Variants in KIF26B observed in about 807,000 individuals in gnomAD.
The protein encoded by KIF26B is kinesin-like protein KIF26B.
A neutral mutation model predicts 151.2 loss-of-function variants in KIF26B; 63 were observed. The ratio of observed to expected loss-of-function variants is 0.42; its 90% CI spans 0.34 to 0.51. The LOEUF is 0.51. Among genes scored for constraint, KIF26B ranks in the 20% least tolerant of loss-of-function variants. KIF26B has a pLI of 0.07. For synonymous variants in KIF26B, 1,357 were observed against 1,262.1 expected (o/e 1.08, Z -1.59); for missense variants, 2,813 against 2,913.6 (o/e 0.97, Z 0.79).
intron 2 of KIF26B, among the ~76,000 whole-genome samples, chr1:245,169,362 T>TGTGCGCGC (rs879260509): frequency 1.3e-5 from 2 of 151,092 alleles, no homozygotes; most frequent in East Asian, 1.9e-4. Flanking sequence ...TGTGTGTGTG[T>TGTGCGCGC]GCGCGCAAGC....
intron 2 of KIF26B, among the ~76,000 whole-genome samples, chr1:245,329,186 A>T (rs111755172): frequency 6.6e-6 from 1 of 152,092 alleles, no homozygotes; most frequent in Admixed American, 6.6e-5. Flanking sequence ...GTCCCTAGAG[A>T]CTATTTCCAA....
chr1:245,466,180 T>C (rs1024439017), intron 4 of KIF26B, among the ~76,000 whole-genome samples: 1 of 69,360 alleles, frequency 1.4e-5, no homozygotes, highest in South Asian at 4.1e-4. Flanking sequence ...TTTAGATCGA[T>C]GGGAATGTTT....
intron 10 of KIF26B, among the ~76,000 whole-genome samples, chr1:245,662,342 C>T (rs1469431975): frequency 6.9e-6 from 1 of 144,456 alleles, no homozygotes; most frequent in Non-Finnish European, 1.5e-5. Context: ...TATACACACA[C>T]ACCCTATATA....
chr1:245,463,124 G>A (rs191430887), intron 4 of KIF26B, among the ~76,000 whole-genome samples: 1 of 152,284 alleles, frequency 6.6e-6, no homozygotes, highest in Non-Finnish European at 1.5e-5. Flanking sequence ...GACCGGCCTG[G>A]TAGGAACAGC....
chr1:245,451,174 A>G lies in KIF26B; in HGVS notation c.1166+31429A>G, dbSNP rs148025566. 2.4e-3 allele frequency among the ~76,000 whole-genome samples: 357 copies of G among 151,690 alleles called. 4 individuals carry two copies. The highest frequency in any genetic ancestry group is 0.01 in the Middle Eastern group (3 of 294). ...TGTTATTCTTTTTTGTAACTTTTAG[A>G]ATTTGGAATTTAATGCTTTTTAAAA... On this transcript the variant is annotated intron_variant, in intron 4 of 14. Coordinates refer to ENST00000407071, the MANE Select transcript of KIF26B (RefSeq NM_018012.4).
At chr1:245,374,526 C>T (rs953639581) in intron 3 of KIF26B, among the ~76,000 whole-genome samples, 1 of 152,082 alleles carries the variant, frequency 6.6e-6, no homozygotes, top group African/African-American at 2.4e-5. Context: ...AGGGCTCATC[C>T]AGCCACTTGT....
chr1:245,579,404 G>T (rs965392283), intron 5 of KIF26B, among the ~76,000 whole-genome samples: 1 of 152,098 alleles, frequency 6.6e-6, no homozygotes. Flanking sequence ...AGGCTGAGGC[G>T]GGAGGACCAC....
At chr1:245,202,172 A>G (rs906527037) in intron 2 of KIF26B, among the ~76,000 whole-genome samples, 2 of 152,178 alleles carry the variant, frequency 1.3e-5, no homozygotes, top group African/African-American at 4.8e-5. Context: ...CACATTCAGT[A>G]AGACCTGAGA....
intron 4 of KIF26B, among the ~76,000 whole-genome samples, chr1:245,465,341 G>A (rs917680671): frequency 6.6e-6 from 1 of 152,120 alleles, no homozygotes; most frequent in African/African-American, 2.4e-5. Flanking sequence ...CAGTCTCCTG[G>A]GTGAGAGATG....
intron 8 of KIF26B, among the ~76,000 whole-genome samples, chr1:245,610,236 T>C (rs2043504809): frequency 6.6e-6 from 1 of 152,208 alleles, no homozygotes; most frequent in Admixed American, 6.5e-5. Flanking sequence ...TCTTCCCAAC[T>C]GGGATTGTTT....
intron 2 of KIF26B, among the ~76,000 whole-genome samples, chr1:245,311,646 C>T (rs896054105): frequency 1.3e-5 from 2 of 151,904 alleles, no homozygotes; most frequent in Non-Finnish European, 2.9e-5. Context: ...AATAAATCAC[C>T]CCTTGGCCAG....
At chr1:245,647,903 C>T (rs574756429) in intron 10 of KIF26B, among the ~76,000 whole-genome samples, 11 of 152,270 alleles carry the variant, frequency 7.2e-5, no homozygotes, top group African/African-American at 2.4e-4. Context: ...ATGGTTTTCC[C>T]GGCTCTTGTA....
In KIF26B at chr1:245,167,091, C is replaced by A. The variant is rs1668628518; in HGVS notation, c.465+10408C>A. On this transcript the variant is annotated intron_variant, in intron 2 of 14. Coordinates refer to ENST00000407071, the MANE Select transcript of KIF26B (RefSeq NM_018012.4). The surrounding 1 kb of genome is among the most constrained non-coding windows in gnomAD (Gnocchi z 4.2). ...GTTTACGTTCAATACTGTTGCCAACCACAAAAAGTTATTGGAACAAATTTT... is the reference window on the plus strand; with the variant it reads ...GTTTACGTTCAATACTGTTGCCAACAACAAAAAGTTATTGGAACAAATTTT... Among the ~76,000 whole-genome samples the A allele has an allele frequency of 1.3e-5, 2 of 152,216 alleles. No homozygotes were observed. Among genetic ancestry groups the A allele is most frequent in the Non-Finnish European group, 2.9e-5 (2 of 68,002 alleles).
chr1:245,474,947 G>C (rs1037878789), intron 4 of KIF26B, among the ~76,000 whole-genome samples: 3 of 151,618 alleles, frequency 2.0e-5, no homozygotes, highest in Non-Finnish European at 4.4e-5. Context: ...CATGCATGTT[G>C]TACAGCTCTT....
Position 245,686,541 on chromosome 1 carries a change from C to G in KIF26B, c.3558C>G (p.Asp1186Glu), listed in dbSNP as rs542994340. Residue 1186 changes from aspartate to glutamate, a missense_variant, in exon 12 of 15, where the codon GAC becomes GAG. Asp to Glu is a conservative substitution (Grantham distance 45). This residue lies in a region of KIF26B where 2,060 missense variants were observed against 2,088.6 expected (regional missense o/e 0.99). Coordinates refer to ENST00000407071, the MANE Select transcript of KIF26B (RefSeq NM_018012.4). This position sits in a 1 kb window ranked among gnomAD's most constrained non-coding sequence, Gnocchi z 5.6. ...VQQPLELNGE[D>E]ELVFTLVEEL... ...AGCCACTGGAGCTGAACGGTGAGGACGAGCTGGTGTTCACGCTGGTGGAGG... is the reference window on the plus strand; with the variant it reads ...AGCCACTGGAGCTGAACGGTGAGGAGGAGCTGGTGTTCACGCTGGTGGAGG... 1 of 1,613,136 alleles carries G rather than the reference C, an allele frequency of 6.2e-7. No homozygotes were observed. The highest frequency in any genetic ancestry group is 1.1e-5 in the South Asian group (1 of 91,072).
At chr1:245,410,530 C>G (rs1572048373) in intron 3 of KIF26B, among the ~76,000 whole-genome samples, 1 of 152,088 alleles carries the variant, frequency 6.6e-6, no homozygotes, top group East Asian at 1.9e-4. Flanking sequence ...CTCACTGTAG[C>G]CCCCAACCAC....
At chr1:245,172,548 A>C (rs1668731973) in intron 2 of KIF26B, among the ~76,000 whole-genome samples, 1 of 152,134 alleles carries the variant, frequency 6.6e-6, no homozygotes, top group Admixed American at 6.5e-5. Context: ...GGTGGCTCAC[A>C]CCTGTAATGC....
chr1:245,341,438 G>A (rs1558395293), intron 2 of KIF26B, among the ~76,000 whole-genome samples: 1 of 144,452 alleles, frequency 6.9e-6, no homozygotes, highest in Non-Finnish European at 1.5e-5. Context: ...TCCCATTTCA[G>A]CCTCCAGAGT....
chr1:245,221,431 G>T (rs1669766447), intron 2 of KIF26B, among the ~76,000 whole-genome samples: 3 of 149,838 alleles, frequency 2.0e-5, no homozygotes. Flanking sequence ...TTTTGAGATG[G>T]AGTTTCACTG....
Sources: gnomAD v4.1 joint callset for allele counts (sites outside exome capture counted in the v4.1 genomes callset) on GRCh38, gnomAD v4.1.1 for gene constraint, gnomAD v4.1.1 regional missense constraint, Gnocchi (gnomAD v3.1) non-coding constraint, MANE v1.5 for transcripts, NCBI Gene and HGNC (gene_info 2026-07-23, HGNC 2026-07-21) for gene names.